The following DOK6 variants were observed in gnomAD, a reference collection of about 807,000 sequenced individuals.
The protein encoded by DOK6 is docking protein 6.
A neutral mutation model predicts 44.0 loss-of-function variants in DOK6; 22 were observed. The observed-to-expected ratio is 0.50, with a 90% CI of 0.36 to 0.71. The LOEUF is 0.71. DOK6 is among the 30% of genes least tolerant of loss of function. The pLI is 0.00. For synonymous variants in DOK6, 166 were observed against 145.5 expected (o/e 1.14, Z -1.01); for missense variants, 340 against 416.4 (o/e 0.82, Z 1.60).
chr18:69,550,471 T>G (rs1037221671), intron 1 of DOK6, among the ~76,000 whole-genome samples: 4 of 152,206 alleles, frequency 2.6e-5, no homozygotes, highest in African/African-American at 4.8e-5. Context: ...CAATGCATTT[T>G]AAATGCTTTG....
At chr18:69,794,844 A>G (rs1980699424) in intron 7 of DOK6, among the ~76,000 whole-genome samples, 1 of 152,146 alleles carries the variant, frequency 6.6e-6, no homozygotes, top group Non-Finnish European at 1.5e-5. Flanking sequence ...TGAACTGCGC[A>G]TGCGAGGGAT....
At chr18:69,781,005 G>A (rs192792134) in intron 7 of DOK6, among the ~76,000 whole-genome samples, 304 of 152,202 alleles carry the variant, frequency 2.0e-3, no homozygotes, top group Non-Finnish European at 3.4e-3. Flanking sequence ...GATGACAGAC[G>A]GCCATTTGTC....
chr18:69,654,975 C>T (rs938460375), intron 3 of DOK6, among the ~76,000 whole-genome samples: 6 of 152,130 alleles, frequency 3.9e-5, no homozygotes, highest in South Asian at 2.1e-4. Flanking sequence ...GGAGGATAAC[C>T]CAAGTCTGGG....
intron 2 of DOK6, among the ~76,000 whole-genome samples, chr18:69,564,961 T>G (rs1299544128): frequency 6.6e-6 from 1 of 152,222 alleles, no homozygotes; most frequent in Non-Finnish European, 1.5e-5. Context: ...GGGCTGCCTT[T>G]AACAGTGCTA....
intron 5 of DOK6, among the ~76,000 whole-genome samples, chr18:69,718,998 TAGA>T (rs1314090422): frequency 6.6e-6 from 1 of 152,202 alleles, no homozygotes. Flanking sequence ...TCTATGATCT[TAGA>T]AGAAGAATAG....
At chr18:69,644,483 A>G (rs544455047) in intron 3 of DOK6, among the ~76,000 whole-genome samples, 11 of 152,294 alleles carry the variant, frequency 7.2e-5, no homozygotes, top group African/African-American at 2.4e-4. Flanking sequence ...TGGATGTCCA[A>G]TTGCACCAGT....
intron 2 of DOK6, among the ~76,000 whole-genome samples, chr18:69,575,385 A>G (rs1470297203): frequency 6.6e-6 from 1 of 152,152 alleles, no homozygotes; most frequent in Non-Finnish European, 1.5e-5. Flanking sequence ...CCTACTGAAT[A>G]GAATTAAAGT....
At chr18:69,687,551 G>A (rs564771503) in intron 4 of DOK6, among the ~76,000 whole-genome samples, 23 of 152,094 alleles carry the variant, frequency 1.5e-4, no homozygotes, top group Middle Eastern at 6.8e-3. Context: ...GTGTGGTGGC[G>A]GGCGCCTGAA....
chr18:69,820,801 C>A (rs538820323), intron 7 of DOK6, among the ~76,000 whole-genome samples: 6 of 152,040 alleles, frequency 3.9e-5, no homozygotes, highest in Non-Finnish European at 7.4e-5. Context: ...GAACAGAAAA[C>A]CAAATACTGC....
intron 1 of DOK6, among the ~76,000 whole-genome samples, chr18:69,437,537 A>G (rs1824397002): frequency 6.6e-6 from 1 of 152,134 alleles, no homozygotes; most frequent in Non-Finnish European, 1.5e-5. Context: ...TGGTACCAGT[A>G]CCAGTACCAG....
chr18:69,668,191 C>T (rs1985707262), intron 3 of DOK6, among the ~76,000 whole-genome samples: 1 of 152,128 alleles, frequency 6.6e-6, no homozygotes, highest in African/African-American at 2.4e-5. Flanking sequence ...CACCATTCCC[C>T]ACTCCACTGC....
intron 4 of DOK6, among the ~76,000 whole-genome samples, chr18:69,687,337 A>G (rs1304355633): frequency 5.9e-5 from 9 of 152,220 alleles, no homozygotes; most frequent in African/African-American, 2.2e-4. Context: ...ATCTGTAAAA[A>G]GCATTTGATA....
intron 1 of DOK6, among the ~76,000 whole-genome samples, chr18:69,549,724 G>A (rs1982509656): frequency 6.6e-6 from 1 of 151,438 alleles, no homozygotes; most frequent in Admixed American, 6.6e-5. Flanking sequence ...GAAAATTGAT[G>A]CCTATGCAAG....
At chr18:69,518,450 A>G (rs1440505360) in intron 1 of DOK6, among the ~76,000 whole-genome samples, 2 of 152,104 alleles carry the variant, frequency 1.3e-5, no homozygotes, top group Admixed American at 1.3e-4. Flanking sequence ...ATGGTCAGTT[A>G]TAAGGAAATA....
intron 4 of DOK6, among the ~76,000 whole-genome samples, chr18:69,687,452 C>A (rs541916622): frequency 2.0e-5 from 3 of 152,262 alleles, no homozygotes; most frequent in East Asian, 1.9e-4. Flanking sequence ...GAGGCTGAGG[C>A]AGGTGCATAA....
At chr18:69,586,199 T>A (rs551992048) in intron 2 of DOK6, among the ~76,000 whole-genome samples, 306 of 152,270 alleles carry the variant, frequency 2.0e-3, no homozygotes, top group Non-Finnish European at 3.4e-3. Context: ...ATGACTTGCT[T>A]AAATATTAGC....
At chr18:69,780,586 C>T (rs1343233401) in intron 7 of DOK6, among the ~76,000 whole-genome samples, 2 of 152,128 alleles carry the variant, frequency 1.3e-5, no homozygotes, top group Admixed American at 6.6e-5. Flanking sequence ...ACCAAGACTC[C>T]GTCTCAGAAA....
chr18:69,420,366 T>C (rs565762309), intron 1 of DOK6, among the ~76,000 whole-genome samples: 43 of 152,268 alleles, frequency 2.8e-4, no homozygotes, highest in African/African-American at 9.9e-4. Flanking sequence ...GCAAGTGAAA[T>C]GTTCTATTAG....
chr18:69,460,576 G>C (rs1244250864), intron 1 of DOK6, among the ~76,000 whole-genome samples: 1 of 152,058 alleles, frequency 6.6e-6, no homozygotes, highest in Admixed American at 6.6e-5. Context: ...TCCCAAAATA[G>C]TAATTAAATA....
Sources: allele counts gnomAD v4.1 joint callset (sites outside exome capture counted in the v4.1 genomes callset), GRCh38; gene constraint gnomAD v4.1.1; transcripts MANE v1.5; gene names NCBI Gene and HGNC (gene_info 2026-07-23, HGNC 2026-07-21).